The following PTPRQ variants were observed in gnomAD, a reference collection of about 807,000 sequenced individuals.
PTPRQ encodes protein tyrosine phosphatase receptor type Q, also known as phosphatidylinositol phosphatase PTPRQ.
A neutral mutation model predicts 246.0 loss-of-function variants in PTPRQ; 199 were observed. The ratio of observed to expected loss-of-function variants is 0.81; its 90% CI spans 0.72 to 0.91. PTPRQ has a LOEUF of 0.91. PTPRQ is among the 40% of genes least tolerant of loss of function. The probability of loss-of-function intolerance (pLI) is 0.00; values close to 1 mark genes in which losing one functional copy is unlikely to be tolerated. For synonymous variants in PTPRQ, 869 were observed against 853.2 expected (o/e 1.02, Z -0.32); for missense variants, 2,624 against 2,528.4 (o/e 1.04, Z -0.81).
intron 25 of PTPRQ, among the ~76,000 whole-genome samples, chr12:80,559,305 A>G (rs532295723): frequency 1.1e-3 from 170 of 152,288 alleles, no homozygotes; most frequent in African/African-American, 4.0e-3. Flanking sequence ...CGGCCTCCCA[A>G]AGTGCTGGGA....
intron 25 of PTPRQ, chr12:80,586,579 A>G (rs533266344): frequency 7.9e-5 from 12 of 152,284 alleles, no homozygotes; most frequent in East Asian, 7.7e-4. Context: ...TCATGCTGCT[A>G]TAAAGGAATT....
chr12:80,634,935 CTTGT>C lies in PTPRQ; in HGVS notation c.5787-7_5787-4del, dbSNP rs1899586379. On this transcript the variant is annotated splice_polypyrimidine_tract_variant and splice_region_variant and intron_variant, in intron 34 of 44. Transcript: ENST00000644991. ...AACTCCCTTCTTGGACTTTACTCCG[CTTGT>C]TTTAGAATTCGACAGAAGCAGAAAG... 1.9e-6 allele frequency: 3 copies of C among 1,548,888 alleles called. No homozygotes were observed. The highest frequency in any genetic ancestry group is 2.0e-5 in the Admixed American group (1 of 50,644).
chr12:80,608,992 G>T (rs1209432926), intron 27 of PTPRQ, among the ~76,000 whole-genome samples: 1 of 150,624 alleles, frequency 6.6e-6, no homozygotes, highest in Non-Finnish European at 1.5e-5. Flanking sequence ...ATATATTCCT[G>T]ATCAATAGGA....
At chr12:80,471,202 A>C (rs1180749745) in intron 7 of PTPRQ, among the ~76,000 whole-genome samples, 1 of 152,098 alleles carries the variant, frequency 6.6e-6, no homozygotes, top group African/African-American at 2.4e-5. Context: ...ATGAGGAGCA[A>C]GGACAACACC....
intron 20 of PTPRQ, 105 bp downstream of exon 20, chr12:80,540,049 A>C (rs539640792): frequency 3.0e-6 from 3 of 993,208 alleles, no homozygotes; most frequent in East Asian, 3.0e-5. Context: ...TTTTATTTAG[A>C]CACGTTCATT....
At position 80,588,340 on chromosome 12, in the gene PTPRQ, G is replaced by A. The variant is rs1160880767; in HGVS notation, c.4497G>A (p.Glu1499=). Residue 1499 remains glutamate, a synonymous_variant, in exon 26 of 45, where the codon GAG becomes GAA. Transcript: ENST00000644991. ...QYLYEAHLTE[E]TVYGLKKFRW... ...TCTATGAAGCTCACTTAACTGAAGA[G>A]ACAGTATATGGATTAAAGAAATTTA... 3 of 1,551,214 alleles carry A rather than the reference G, an allele frequency of 1.9e-6. No homozygotes were observed. The African/African-American group carries it at 4.1e-5, about 21-fold the overall frequency.
chr12:80,539,675 A>G, intron 19 of PTPRQ, 101 bp from the exon 20 acceptor site: 2 of 969,110 alleles, frequency 2.1e-6, no homozygotes, highest in South Asian at 5.1e-5. Context: ...ATATTAAAAT[A>G]ATGATAAATA....
In PTPRQ at chr12:80,610,645, C is replaced by T. The variant is rs1775271047; in HGVS notation, c.4918+20C>T. 3 of 1,538,398 alleles carry T rather than the reference C, an allele frequency of 2.0e-6. No homozygotes were observed. Among genetic ancestry groups the T allele is most frequent in the Admixed American group, 2.0e-5 (1 of 50,276 alleles). The stretch of plus-strand genomic sequence containing the variant: ...AATCAGGTAAGGAGAATTTCTCAAC[C>T]TTGCTAAAAATTGACTGAGATTTAG... On this transcript the variant is annotated intron_variant, in intron 28 of 44. Transcript: ENST00000644991.
At chr12:80,646,485 G>GA (rs1342854460) in intron 35 of PTPRQ, among the ~76,000 whole-genome samples, 1 of 105,330 alleles carries the variant, frequency 9.5e-6, no homozygotes, top group African/African-American at 5.4e-5. Flanking sequence ...TCCCCCTTGA[G>GA]GGGTGAGGGA....
intron 17 of PTPRQ, 149 bp from the exon 18 acceptor site, chr12:80,533,866 C>T (rs1895911971): frequency 1.8e-6 from 1 of 560,634 alleles, no homozygotes; most frequent in East Asian, 3.6e-5. Flanking sequence ...TTACTATTTT[C>T]AGTATTTCAG....
In PTPRQ at chr12:80,495,031, T is replaced by C; in HGVS notation, c.1639T>C (p.Ser547Pro). 1 of 1,550,586 alleles carries C rather than the reference T, an allele frequency of 6.4e-7. No homozygotes were observed. The highest frequency in any genetic ancestry group is 1.2e-5 in the South Asian group (1 of 84,042). The change falls in exon 11 of 45, where the codon TCT (serine) becomes CCT (proline). Residue 547 changes from serine to proline, a missense_variant. By Grantham distance (74) the Ser-to-Pro change is moderately conservative. Transcript: ENST00000644991. Reference sequence around the variant, plus strand: ...TTTCACTGAGCACATGATTAGTGTATCTGCTTTCACCATCATGGGAGAAGG... The same window carrying C: ...TTTCACTGAGCACATGATTAGTGTACCTGCTTTCACCATCATGGGAGAAGG... ...VPFTEHMISV[S>P]AFTIMGEGPP...
chr12:80,624,603 G>C (rs532124601), intron 33 of PTPRQ, among the ~76,000 whole-genome samples: 14 of 152,292 alleles, frequency 9.2e-5, no homozygotes, highest in African/African-American at 3.4e-4. Flanking sequence ...TCAATGACTA[G>C]CAAAGCAGCC....
intron 26 of PTPRQ, among the ~76,000 whole-genome samples, chr12:80,594,906 C>T (rs1444348085): frequency 1.3e-5 from 2 of 152,120 alleles, no homozygotes; most frequent in Admixed American, 1.3e-4. Flanking sequence ...TTCAATACAC[C>T]TGCCTGACCA....
At chr12:80,447,657 A>G (rs1892594579) in intron 3 of PTPRQ, among the ~76,000 whole-genome samples, 1 of 151,954 alleles carries the variant, frequency 6.6e-6, no homozygotes, top group African/African-American at 2.4e-5. Flanking sequence ...TGAACAGAAT[A>G]TCCTTTCCCC....
At chr12:80,613,444 C>T (rs996377179) in intron 28 of PTPRQ, 148 bp from the exon 29 acceptor site, 11 of 720,692 alleles carry the variant, frequency 1.5e-5, no homozygotes, top group South Asian at 4.4e-5. Flanking sequence ...TTCTATAATG[C>T]GTCAGTCATT....
intron 14 of PTPRQ, among the ~76,000 whole-genome samples, chr12:80,499,091 C>T (rs181368521): frequency 1.4e-5 from 2 of 143,116 alleles, no homozygotes; most frequent in Admixed American, 1.5e-4. Flanking sequence ...GGTAAAAGGA[C>T]TCACAAGTTA....
intron 35 of PTPRQ, among the ~76,000 whole-genome samples, chr12:80,637,782 G>A (rs1389139842): frequency 6.6e-6 from 1 of 152,132 alleles, no homozygotes; most frequent in African/African-American, 2.4e-5. Context: ...GTCATTTGGT[G>A]AAGCTCTAAA....
intron 9 of PTPRQ, among the ~76,000 whole-genome samples, chr12:80,485,612 T>C (rs1200248122): frequency 2.6e-5 from 4 of 152,196 alleles, no homozygotes; most frequent in Non-Finnish European, 4.4e-5. Context: ...TCCAAGTTGC[T>C]CACCATCTTC....
At chr12:80,557,099 A>G (rs747783626) in intron 25 of PTPRQ, among the ~76,000 whole-genome samples, 2 of 152,190 alleles carry the variant, frequency 1.3e-5, no homozygotes, top group African/African-American at 4.8e-5. Flanking sequence ...ATCTCTTTAG[A>G]TGGAGGATTT....
Sources: allele counts gnomAD v4.1 joint callset (sites outside exome capture counted in the v4.1 genomes callset), GRCh38; gene constraint gnomAD v4.1.1; transcripts MANE v1.5; gene names NCBI Gene and HGNC (gene_info 2026-07-23, HGNC 2026-07-21).